The following BCORL1 variants were observed in gnomAD, a reference collection of about 807,000 sequenced individuals.
BCORL1 encodes BCL6 corepressor like 1, also known as BCL-6 corepressor-like protein 1.
BCORL1 carries 7 observed loss-of-function variants against 87.6 expected under a neutral mutation model. The ratio of observed to expected loss-of-function variants is 0.08; its 90% confidence interval spans 0.05 to 0.15. The LOEUF (loss-of-function observed/expected upper bound fraction) is 0.15. BCORL1 is among the 10% of genes least tolerant of loss of function. BCORL1 has a pLI of 1.00. For missense variants in BCORL1, 1,215 were observed against 1,499.7 expected, an observed-to-expected ratio of 0.81 and a Z score of 3.13; for synonymous variants, 591 against 634.4, an observed-to-expected ratio of 0.93 and a Z score of 1.03.
chrX:130,011,868 G>A (rs1311932626), intron 2 of BCORL1, among the ~76,000 whole-genome samples: 2 of 110,594 alleles, frequency 1.8e-5, no homozygotes, highest in Non-Finnish European at 3.8e-5. Context: ...TAGAAGGAGG[G>A]TAGAAGGGAG....
At position 130,043,784 on chromosome X, in the gene BCORL1, A is replaced by ATTT. The variant is rs1163098654; in HGVS notation, c.4840+4521_4840+4523dup. Among the ~76,000 whole-genome samples, 18 of 15,966 alleles carry ATTT rather than the reference A, an allele frequency of 1.1e-3. 1 individual carries two copies. The highest frequency in any genetic ancestry group is 4.7e-3 in the African/African-American group (10 of 2,112). The allele number at this position is 15,966 out of a possible 115,157, so 13.9% of individuals were successfully genotyped here. ...TATATATATATATATATATATATAT[A>ATTT]TTTTTTTTTTTTTTTTTTTTTGAGA... On this transcript the variant is annotated intron_variant, in intron 11 of 13. Transcript: ENST00000540052.
chrX:129,986,097 C>T (rs138239004), intron 1 of BCORL1, among the ~76,000 whole-genome samples: 2,288 of 111,494 alleles, frequency 0.021, 144 homozygotes, highest in Admixed American at 0.16. Flanking sequence ...GTGATCCATC[C>T]GGCCCAGTTT....
chrX:130,051,997 C>G lies in BCORL1; in HGVS notation c.5056C>G (p.Gln1686Glu), dbSNP rs749741814. The change falls in exon 13 of 14, where the codon CAA becomes GAA. Residue 1686 changes from glutamine to glutamate, a missense_variant. By Grantham distance (29) the Gln-to-Glu change is conservative (BLOSUM62 2). This residue lies in a region of BCORL1 where 129 missense variants were observed against 157.5 expected (regional missense o/e 0.82). Transcript: ENST00000540052. ...DKPLLPCYNL[Q>E]VSVSRGPCNW... ...GCCTCTTCTCCCTTGCTACAACCTC[C>G]AAGTGTCAGTGTCCCGCGGGTAAGT... is the stretch of plus-strand genomic sequence containing the variant. 1 of 1,199,872 alleles carries G rather than the reference C, an allele frequency of 8.3e-7. No homozygotes were observed. Among genetic ancestry groups the G allele is most frequent in the Non-Finnish European group, 1.1e-6 (1 of 889,768 alleles).
rs1346696311 is a variant in BCORL1, at chrX:130,057,286, G to C, written c.*1150G>C. The C allele has an allele frequency of 2.7e-5, 3 of 110,994 alleles. No homozygotes were observed. Among genetic ancestry groups the C allele is most frequent in the Admixed American group, 9.6e-5 (1 of 10,432 alleles). The allele number at this position is 110,994 out of a possible 1,213,427, so 9.1% of individuals were successfully genotyped here. On this transcript the variant is annotated 3_prime_UTR_variant, in exon 14 of 14. Transcript: ENST00000540052. Reference sequence around the variant, plus strand: ...AATCCAGGCGTCAGCTGTTTCCTAGGCAAGGGCAGGAAAGTGGTCTCCAGC... The same window carrying C: ...AATCCAGGCGTCAGCTGTTTCCTAGCCAAGGGCAGGAAAGTGGTCTCCAGC...
intron 2 of BCORL1, among the ~76,000 whole-genome samples, chrX:130,010,836 A>G (rs1191965062): frequency 9.3e-6 from 1 of 107,589 alleles, no homozygotes; most frequent in Non-Finnish European, 1.9e-5. Flanking sequence ...CCTCTAAAGA[A>G]GGGAGGCAAA....
chrX:130,009,021 G>T (rs912882241), intron 2 of BCORL1, among the ~76,000 whole-genome samples: 1 of 112,144 alleles, frequency 8.9e-6, no homozygotes, highest in African/African-American at 3.2e-5. Context: ...AGAATTGCAT[G>T]TCCGGGTCCA....
intron 11 of BCORL1, among the ~76,000 whole-genome samples, chrX:130,039,689 C>A (rs1224556741): frequency 8.8e-6 from 1 of 113,012 alleles, no homozygotes. Flanking sequence ...TTTGCAATTT[C>A]TTCTTGTTTG....
At chrX:130,024,761 A>G (rs1157251142) in intron 6 of BCORL1, among the ~76,000 whole-genome samples, 1 of 111,506 alleles carries the variant, frequency 9.0e-6, no homozygotes, top group East Asian at 2.8e-4. Flanking sequence ...GAAAAATCTT[A>G]TTTGAGCCTC....
intron 13 of BCORL1, among the ~76,000 whole-genome samples, chrX:130,055,059 T>C (rs1932286294): frequency 9.0e-6 from 1 of 111,268 alleles, no homozygotes. Flanking sequence ...GCTGGGGTAG[T>C]GGAATAGTGA....
rs371978706 is a variant in BCORL1 at position 130,025,134 on chromosome X, G to A, written c.3833G>A (p.Arg1278His). 6.1e-5 allele frequency: 74 copies of A among 1,210,014 alleles called. No individual in the cohort carries two copies. Among genetic ancestry groups the A allele is most frequent in the Non-Finnish European group, 7.6e-5 (68 of 895,228 alleles). ...VRKTQRDTQY[R>H]SHHAQDKSLL... ...AAGACCCAACGGGACACCCAGTATC[G>A]CAGCCACCATGCCCAGGACAAGTCT... Residue 1278 changes from arginine to histidine, a missense_variant, in exon 7 of 14, where the codon CGC becomes CAC. Transcript: ENST00000540052.
intron 1 of BCORL1, among the ~76,000 whole-genome samples, chrX:129,986,777 C>G (rs756695381): frequency 1.8e-5 from 2 of 111,414 alleles, no homozygotes; most frequent in East Asian, 5.6e-4. Flanking sequence ...CAAGATCGTG[C>G]CACTGCACTC....
chrX:130,050,627 A>G (rs1409867419), intron 11 of BCORL1, 90 bp from the exon 12 acceptor site: 6 of 766,656 alleles, frequency 7.8e-6, no homozygotes, highest in Admixed American at 2.2e-5. Context: ...CCCTTCTCCC[A>G]TTCCCTTAGC....
intron 13 of BCORL1, among the ~76,000 whole-genome samples, chrX:130,053,946 A>G (rs1232549378): frequency 1.8e-5 from 2 of 112,012 alleles, no homozygotes; most frequent in Non-Finnish European, 3.8e-5. Flanking sequence ...CATGTGAGAT[A>G]AGAGCTTGCT....
In BCORL1 at chrX:130,022,881, C is replaced by G. The variant is rs758192901; in HGVS notation, c.3608-16C>G. 4 of 1,204,432 alleles carry G rather than the reference C, an allele frequency of 3.3e-6. No homozygotes were observed. Among genetic ancestry groups the G allele is most frequent in the Non-Finnish European group, 3.4e-6 (3 of 888,743 alleles). On this transcript the variant is annotated splice_polypyrimidine_tract_variant and intron_variant, in intron 5 of 13. Coordinates refer to ENST00000540052, the MANE Select transcript of BCORL1 (RefSeq NM_001379451.1). ...AACATTTCTGCCTTCTGTCCCCAAA[C>G]CACACATCACTCCAGGTTCCTTGGA...
intron 1 of BCORL1, among the ~76,000 whole-genome samples, chrX:129,993,202 G>A (rs781661772): frequency 3.6e-5 from 4 of 112,099 alleles, no homozygotes; most frequent in East Asian, 2.8e-4. Context: ...TAAGTTTTGC[G>A]TGACATCTAG....
chrX:129,982,195 G>A (rs2124278272), upstream of BCORL1, among the ~76,000 whole-genome samples: 1 of 109,342 alleles, frequency 9.1e-6, no homozygotes, highest in South Asian at 4.0e-4. Context: ...TTCGAGGGGC[G>A]TCGAGGTGGG....
At chrX:130,021,358 A>C in intron 5 of BCORL1, 1 of 676,424 alleles carries the variant, frequency 1.5e-6, no homozygotes, top group Non-Finnish European at 1.8e-6. Context: ...TGGGTGCTAG[A>C]ATAAGGCTGA....
intron 2 of BCORL1, among the ~76,000 whole-genome samples, chrX:130,012,204 G>T (rs1443367240): frequency 8.9e-6 from 1 of 111,903 alleles, no homozygotes; most frequent in East Asian, 2.8e-4. Flanking sequence ...GCATTCAGTG[G>T]TTCTCATGTC....
At position 130,013,736 on chromosome X, in the gene BCORL1, C is replaced by T; in HGVS notation, c.964C>T (p.Pro322Ser). Residue 322 changes from proline (P) to serine (S), a missense_variant, in exon 4 of 14, where the codon CCC becomes TCC. This residue lies in a region of BCORL1 where 861 missense variants were observed against 1,010.0 expected (regional missense o/e 0.85). Transcript: ENST00000540052. ...CTTGGCTCTCATCCAGGCTCCTGTG[C>T]CCCCTTCAGCTCCGACCTTGGTTCT... ...PPLALIQAPVPPSAPTLVLAP... is the reference protein window; with the variant it reads ...PPLALIQAPVSPSAPTLVLAP... The T allele has an allele frequency of 1.7e-6, 2 of 1,196,834 alleles. No individual in the cohort carries two copies. Among genetic ancestry groups the T allele is most frequent in the Non-Finnish European group, 2.3e-6 (2 of 888,116 alleles).
Sources: allele counts gnomAD v4.1 joint callset (sites outside exome capture counted in the v4.1 genomes callset), GRCh38; gene constraint gnomAD v4.1.1; regional missense constraint gnomAD v4.1.1; transcripts MANE v1.5; gene names NCBI Gene and HGNC (gene_info 2026-07-23, HGNC 2026-07-21).